NAAA: variants seen among roughly 807,000 people sequenced by gnomAD.
NAAA encodes N-acylethanolamine-hydrolyzing acid amidase.
NAAA carries 39 observed loss-of-function variants against 44.8 expected under a neutral mutation model. The ratio of observed to expected loss-of-function variants is 0.87; its 90% confidence interval spans 0.67 to 1.14. The LOEUF is 1.14. NAAA is among the 50% of genes most tolerant of loss of function. The pLI is 0.00. For missense variants in NAAA, 460 were observed against 467.8 expected (o/e 0.98, Z 0.15); for synonymous variants, 178 against 191.3 (o/e 0.93, Z 0.58).
At chr4:75,933,594 G>A (rs1017555977) in intron 3 of NAAA, among the ~76,000 whole-genome samples, 3 of 152,098 alleles carry the variant, frequency 2.0e-5, no homozygotes, top group South Asian at 2.1e-4. Context: ...TTTCAATTAC[G>A]ATACATAATT....
At chr4:75,925,870 A>C (rs1726637624) in intron 4 of NAAA, 59 bp from the exon 5 acceptor site, 1 of 1,494,814 alleles carries the variant, frequency 6.7e-7, no homozygotes, top group Non-Finnish European at 9.3e-7. Context: ...CACATGAAAC[A>C]GATATGTTAT....
chr4:75,913,982 A>G lies in NAAA; in HGVS notation c.*393T>C, dbSNP rs1047838122. ...CTTTCAGAAGCACTTCACAATGAAC[A>G]GAGGTCTTGCCAGCTCATTTCATTA... is the stretch of plus-strand genomic sequence containing the variant. On this transcript the variant is annotated 3_prime_UTR_variant, in exon 11 of 11. Coordinates refer to ENST00000286733, the MANE Select transcript of NAAA (RefSeq NM_014435.4). 8.1e-6 allele frequency: 8 copies of G among 985,334 alleles called. No homozygotes were observed. The African/African-American group carries it at 1.2e-4, about 15-fold the overall frequency. 61.0% of individuals were successfully genotyped at this position (985,334 alleles called of 1,614,324 possible). A position where few individuals can be genotyped will look rare whatever the true frequency, so the allele number is the denominator to read the frequency against.
At chr4:75,937,783 C>T (rs545157666) in intron 2 of NAAA, among the ~76,000 whole-genome samples, 16 of 152,254 alleles carry the variant, frequency 1.1e-4, no homozygotes, top group African/African-American at 3.1e-4. Flanking sequence ...CCACTGTGGC[C>T]GGCCACCCTC....
intron 9 of NAAA, among the ~76,000 whole-genome samples, chr4:75,915,932 G>T (rs1725586970): frequency 6.6e-6 from 1 of 152,220 alleles, no homozygotes; most frequent in Admixed American, 6.5e-5. Context: ...GAGCTGGGTT[G>T]TTCAGAAACA....
intron 1 of NAAA, 131 bp downstream of exon 1, chr4:75,940,613 C>T: frequency 9.3e-7 from 1 of 1,074,800 alleles, no homozygotes; most frequent in Non-Finnish European, 1.3e-6. Flanking sequence ...CTCAGGGCGG[C>T]AGCCAAAACC....
At chr4:75,923,834 G>A (rs545236546) in intron 5 of NAAA, among the ~76,000 whole-genome samples, 5 of 152,138 alleles carry the variant, frequency 3.3e-5, no homozygotes, top group Admixed American at 1.3e-4. Context: ...CACCGCGCCC[G>A]GCCCATCTTC....
chr4:75,922,482 G>A (rs912384082), intron 5 of NAAA, among the ~76,000 whole-genome samples: 1 of 152,146 alleles, frequency 6.6e-6, no homozygotes, highest in Admixed American at 6.5e-5. Context: ...AGAAGGGAAT[G>A]TATGGTCAGA....
intron 7 of NAAA, 93 bp downstream of exon 7, chr4:75,920,645 C>A: frequency 6.8e-7 from 1 of 1,464,964 alleles, no homozygotes; most frequent in Non-Finnish European, 9.6e-7. Flanking sequence ...GAGAGGATAG[C>A]ACCCATAGGT....
intron 4 of NAAA, among the ~76,000 whole-genome samples, chr4:75,928,553 G>A (rs1192552347): frequency 1.3e-5 from 2 of 152,098 alleles, no homozygotes; most frequent in African/African-American, 4.8e-5. Context: ...AGAAAATAGG[G>A]AAAAGAAAAA....
chr4:75,913,451 C>T (rs1166132850), downstream of NAAA, among the ~76,000 whole-genome samples: 1 of 151,934 alleles, frequency 6.6e-6, no homozygotes, highest in African/African-American at 2.4e-5. Context: ...GGCACATTTT[C>T]GTTTACACTT....
At chr4:75,922,945 A>G (rs1381301694) in intron 5 of NAAA, among the ~76,000 whole-genome samples, 1 of 151,958 alleles carries the variant, frequency 6.6e-6, no homozygotes, top group Non-Finnish European at 1.5e-5. Context: ...CCCAGGCGAC[A>G]AAGTCAGGGA....
At chr4:75,925,091 A>T (rs1182960004) in intron 5 of NAAA, among the ~76,000 whole-genome samples, 3 of 151,568 alleles carry the variant, frequency 2.0e-5, no homozygotes, top group African/African-American at 7.3e-5. Flanking sequence ...TCCCAGGTTC[A>T]CACCATTCTC....
Position 75,940,592 on chromosome 4 carries a change from C to T in NAAA, c.206+152G>A, listed in dbSNP as rs1012238200. ...ACCTGCCGCGCTGGATTCTCCCCAACCCGGACGCTGCTCAGGGCGGCAGCC... is the reference window on the plus strand; with the variant it reads ...ACCTGCCGCGCTGGATTCTCCCCAATCCGGACGCTGCTCAGGGCGGCAGCC... On this transcript the variant is annotated intron_variant, in intron 1 of 10. Coordinates refer to ENST00000286733, the MANE Select transcript of NAAA (RefSeq NM_014435.4). 1.1e-4 allele frequency: 97 copies of T among 894,364 alleles called. No homozygotes were observed. The East Asian group carries it at 2.8e-3, about 26-fold the overall frequency. The allele number at this position is 894,364 out of a possible 1,614,324, so 55.4% of individuals were successfully genotyped here. A position where few individuals can be genotyped will look rare whatever the true frequency, so the allele number is the denominator to read the frequency against.
At chr4:75,934,732 C>A (rs1034739569) in intron 3 of NAAA, among the ~76,000 whole-genome samples, 3 of 152,286 alleles carry the variant, frequency 2.0e-5, no homozygotes. Flanking sequence ...CATGAGTCCT[C>A]CATAGAAAAG....
At chr4:75,913,271 C>T (rs74920943), downstream of NAAA, among the ~76,000 whole-genome samples, 2,380 of 151,996 alleles carry the variant, frequency 0.016, 65 homozygotes, top group African/African-American at 0.053. Context: ...ACTGTCTACC[C>T]TCTTTTTATC....
At chr4:75,917,774 C>CT in intron 9 of NAAA, 3 of 365,666 alleles carry the variant, frequency 8.2e-6, no homozygotes, top group Admixed American at 3.5e-5. Flanking sequence ...CCTGCTTTCA[C>CT]TTAAAAAAAA....
chr4:75,931,669 C>A (rs1178951604), intron 3 of NAAA, among the ~76,000 whole-genome samples: 1 of 152,186 alleles, frequency 6.6e-6, no homozygotes, highest in African/African-American at 2.4e-5. Flanking sequence ...TTTTCACATA[C>A]ACAATGTTGG....
intron 9 of NAAA, 45 bp from the exon 10 acceptor site, chr4:75,915,030 T>C (rs1275967811): frequency 8.5e-6 from 12 of 1,416,588 alleles, no homozygotes; most frequent in Admixed American, 3.4e-5. Context: ...TTTTCTCTAA[T>C]ATGCCAGAAA....
In NAAA at chr4:75,940,090, G is replaced by C; in HGVS notation, c.282C>G (p.Pro94=). The C allele has an allele frequency of 1.2e-6, 2 of 1,614,122 alleles. No homozygotes were observed. Among genetic ancestry groups the C allele is most frequent in the Non-Finnish European group, 1.7e-6 (2 of 1,180,024 alleles). Residue 94 remains proline, a synonymous_variant, in exon 2 of 11, where the codon CCC becomes CCG. Transcript: ENST00000286733. ...VLELERFLPQ[P]FTGEIRGMCD... The stretch of plus-strand genomic sequence containing the variant: ...ACATGCCGCGGATCTCGCCGGTGAA[G>C]GGCTGGGGCAGGAAGCGCTCCAGCT...
Sources: allele counts gnomAD v4.1 joint callset (sites outside exome capture counted in the v4.1 genomes callset), GRCh38; gene constraint gnomAD v4.1.1; transcripts MANE v1.5; gene names NCBI Gene and HGNC (gene_info 2026-07-23, HGNC 2026-07-21).